SLC26A5: variants seen among roughly 807,000 people sequenced by gnomAD.
SLC26A5 encodes the protein solute carrier family 26 member 5, also known as prestin.
A neutral mutation model predicts 81.0 loss-of-function variants in SLC26A5; 51 were observed. That is an observed-to-expected ratio of 0.63 (90% CI 0.50 to 0.80). The LOEUF is 0.80. Among genes scored for constraint, SLC26A5 ranks in the 30% least tolerant of loss-of-function variants. The probability of loss-of-function intolerance (pLI) is 0.00; values close to 1 mark genes in which losing one functional copy is unlikely to be tolerated. For synonymous variants in SLC26A5, 325 were observed against 332.8 expected (o/e 0.98, Z 0.25); for missense variants, 771 against 905.8 (o/e 0.85, Z 1.91).
chr7:103,379,215 C>A, intron 16 of SLC26A5, 28 bp downstream of exon 16: 1 of 1,507,378 alleles, frequency 6.6e-7, no homozygotes, highest in South Asian at 1.1e-5. Flanking sequence ...ATCCCATCCT[C>A]AGAAATAATC....
chr7:103,392,884 C>T, intron 10 of SLC26A5, 35 bp downstream of exon 10: 12 of 1,613,630 alleles, frequency 7.4e-6, no homozygotes, highest in Non-Finnish European at 9.3e-6. Context: ...GATTGTACTG[C>T]TATGAAACAT....
chr7:103,417,350 T>C (rs554003270), intron 4 of SLC26A5, among the ~76,000 whole-genome samples: 28 of 129,440 alleles, frequency 2.2e-4, no homozygotes, highest in South Asian at 1.4e-3. Context: ...AGCTTGCCAA[T>C]AGAGCGAGAC....
intron 5 of SLC26A5, among the ~76,000 whole-genome samples, chr7:103,412,642 C>T (rs1400704805): frequency 6.6e-6 from 1 of 150,964 alleles, no homozygotes; most frequent in Non-Finnish European, 1.5e-5. Context: ...CTCTGCCTCC[C>T]AGGTTGAAGC....
At chr7:103,356,391 G>C (rs1293655688) in intron 19 of SLC26A5, among the ~76,000 whole-genome samples, 1 of 152,000 alleles carries the variant, frequency 6.6e-6, no homozygotes, top group African/African-American at 2.4e-5. Flanking sequence ...GGAATTCTAG[G>C]GGTCAAAGAT....
chr7:103,404,722 T>C (rs994095246), intron 8 of SLC26A5, among the ~76,000 whole-genome samples: 15 of 152,202 alleles, frequency 9.9e-5, no homozygotes, highest in Non-Finnish European at 2.2e-4. Context: ...ATTTGACTGT[T>C]GGCCTGTCTT....
intron 19 of SLC26A5, chr7:103,364,034 A>G: frequency 9.9e-7 from 1 of 1,013,754 alleles, no homozygotes; most frequent in East Asian, 2.6e-5. Context: ...ATATTAAAGT[A>G]TGGTTTTCAG....
intron 19 of SLC26A5, chr7:103,355,873 A>G: frequency 2.1e-6 from 2 of 935,600 alleles, no homozygotes; most frequent in East Asian, 2.5e-5. Context: ...GGATAATGCA[A>G]TAGTTCATAA....
intron 19 of SLC26A5, chr7:103,364,037 G>A: frequency 9.5e-7 from 1 of 1,054,812 alleles, no homozygotes; most frequent in South Asian, 1.8e-5. Context: ...TTAAAGTATG[G>A]TTTTCAGGAT....
chr7:103,353,504 GC>G (rs1819848980), intron 19 of SLC26A5, among the ~76,000 whole-genome samples: 1 of 152,014 alleles, frequency 6.6e-6, no homozygotes, highest in Admixed American at 6.6e-5. Flanking sequence ...ACGGGGTTTC[GC>G]CAGGTTGGCT....
At chr7:103,376,219 G>T (rs1821344246) in intron 19 of SLC26A5, among the ~76,000 whole-genome samples, 1 of 151,474 alleles carries the variant, frequency 6.6e-6, no homozygotes, top group Non-Finnish European at 1.5e-5. Flanking sequence ...GGGATTACAG[G>T]CATGCGCCAC....
At chr7:103,431,823 C>T (rs1859785) in intron 2 of SLC26A5, among the ~76,000 whole-genome samples, 58,934 of 151,672 alleles carry the variant, frequency 0.39, 15,527 homozygotes, top group African/African-American at 0.74. Context: ...CCCAATCTTT[C>T]CTGGAATCGA....
intron 8 of SLC26A5, among the ~76,000 whole-genome samples, chr7:103,399,956 T>A (rs977276361): frequency 6.6e-6 from 1 of 152,170 alleles, no homozygotes; most frequent in Admixed American, 6.5e-5. Flanking sequence ...ACATTTTCTT[T>A]ATCCAGTCTA....
In SLC26A5 at chr7:103,364,958, CATATATATAT is replaced by C. The variant is rs59914167; in HGVS notation, c.2041+11840_2041+11849del. Among the ~76,000 whole-genome samples, 20 of 125,492 alleles carry C rather than the reference CATATATATAT, an allele frequency of 1.6e-4. No individual in the cohort carries two copies. In the East Asian group the frequency reaches 3.3e-3, roughly 20 times the overall value. 82.3% of individuals were successfully genotyped at this position (125,492 alleles called of 152,430 possible). On this transcript the variant is annotated intron_variant, in intron 19 of 19. Transcript: ENST00000339444. Reference sequence around the variant, plus strand: ...GGTTGTTTTTATGTTTGTAGACATACATATATATATATATATATATATATATTTAGAGAAT... The same window carrying C: ...GGTTGTTTTTATGTTTGTAGACATACATATATATATATATATTTAGAGAAT...
At chr7:103,362,508 T>C in intron 19 of SLC26A5, 1 of 1,415,920 alleles carries the variant, frequency 7.1e-7, no homozygotes. Flanking sequence ...GTTTGCGACA[T>C]TAGACATGTA....
rs1171515649 is a variant in SLC26A5, at chr7:103,354,725, T to C, written c.2042-1799A>G. On this transcript the variant is annotated intron_variant, in intron 19 of 19. Coordinates refer to the SLC26A5 transcript ENST00000339444. ...TGGATTGTGTATTTAGGGGGAAATA[T>C]TGGGTCAGGAATACCTCTCTACTTC... 8.4e-6 allele frequency: 5 copies of C among 598,132 alleles called. No individual in the cohort carries two copies. The Admixed American group carries it at 9.1e-5, about 11-fold the overall frequency. The allele number at this position is 598,132 out of a possible 1,614,324, so 37.1% of individuals were successfully genotyped here.
intron 2 of SLC26A5, among the ~76,000 whole-genome samples, chr7:103,427,407 C>T (rs993063835): frequency 7.9e-5 from 12 of 151,952 alleles, no homozygotes; most frequent in African/African-American, 2.2e-4. Flanking sequence ...CTAAATTTAT[C>T]GTAACTCCCT....
chr7:103,402,212 CTAT>C (rs1442759885), intron 8 of SLC26A5, among the ~76,000 whole-genome samples: 1 of 151,972 alleles, frequency 6.6e-6, no homozygotes, highest in Non-Finnish European at 1.5e-5. Flanking sequence ...TGGTGGTAGG[CTAT>C]TAATTGCTGC....
intron 14 of SLC26A5, among the ~76,000 whole-genome samples, chr7:103,386,121 G>C (rs1822174665): frequency 6.6e-6 from 1 of 151,856 alleles, no homozygotes; most frequent in Non-Finnish European, 1.5e-5. Flanking sequence ...AGTAGAGACA[G>C]GGTTTTACCA....
chr7:103,379,126 AAG>A (rs1343255120), intron 16 of SLC26A5, 115 bp downstream of exon 16: 1 of 767,712 alleles, frequency 1.3e-6, no homozygotes, highest in Non-Finnish European at 2.3e-6. Flanking sequence ...ACTACAATAA[AAG>A]AGAGAGAAAC....
Sources: allele counts gnomAD v4.1 joint callset (sites outside exome capture counted in the v4.1 genomes callset), GRCh38; gene constraint gnomAD v4.1.1; transcripts MANE v1.5; gene names NCBI Gene and HGNC (gene_info 2026-07-23, HGNC 2026-07-21).